PPP2R5C: variants seen among roughly 807,000 people sequenced by gnomAD.
The protein encoded by PPP2R5C is protein phosphatase 2 regulatory subunit B'gamma, also known as serine/threonine-protein phosphatase 2A 56 kDa regulatory subunit gamma isoform.
Under a neutral mutation model 68.9 loss-of-function variants are expected in PPP2R5C, and 7 were observed. The observed-to-expected ratio is 0.10, with a 90% CI of 0.06 to 0.19. The LOEUF (loss-of-function observed/expected upper bound fraction) is 0.19. Ranked by LOEUF, PPP2R5C falls within the 10% of genes least tolerant of loss-of-function variation. The pLI is 1.00. For synonymous variants in PPP2R5C, 210 were observed against 222.2 expected (o/e 0.95, Z 0.49); for missense variants, 348 against 641.3 (o/e 0.54, Z 4.94).
chr14:101,774,198 G>A (rs909348111), intron 2 of PPP2R5C, among the ~76,000 whole-genome samples: 1 of 152,232 alleles, frequency 6.6e-6, no homozygotes, highest in Admixed American at 6.5e-5. Flanking sequence ...GGCTGTGGGT[G>A]GGCTTGTCAT....
upstream of PPP2R5C, among the ~76,000 whole-genome samples, chr14:101,808,008 A>G (rs1175687157): frequency 1.3e-5 from 2 of 150,628 alleles, no homozygotes; most frequent in South Asian, 2.1e-4. Context: ...CCAGATCTTC[A>G]ATAAGCATCT....
intron 9 of PPP2R5C, among the ~76,000 whole-genome samples, chr14:101,904,995 G>T (rs1240858359): frequency 1.3e-5 from 2 of 152,206 alleles, no homozygotes; most frequent in Non-Finnish European, 2.9e-5. Context: ...TTGAATCTGG[G>T]TGGAGGGAGG....
In PPP2R5C at chr14:101,906,537, A is replaced by G. The variant is rs780938352; in HGVS notation, c.1151+8A>G. On this transcript the variant is annotated splice_region_variant and intron_variant, in intron 10 of 13. Transcript: ENST00000334743. This position sits in a 1 kb window ranked among gnomAD's most constrained non-coding sequence, Gnocchi z 4.0. ...AAAGACCCATTGGAACAAGTAAGAA[A>G]GAACTGGCTGCCATCTTTTTCAGTC... is the stretch of plus-strand genomic sequence containing the variant. 2.0e-5 allele frequency: 32 copies of G among 1,594,160 alleles called. No homozygotes were observed. In the South Asian group the frequency reaches 3.0e-4, roughly 15 times the overall value.
At chr14:101,869,241 G>A (rs1014087833) in intron 2 of PPP2R5C, among the ~76,000 whole-genome samples, 1 of 152,064 alleles carries the variant, frequency 6.6e-6, no homozygotes, top group Non-Finnish European at 1.5e-5. Context: ...TTGATGCATT[G>A]GACATTCGTC....
intron 1 of PPP2R5C, among the ~76,000 whole-genome samples, chr14:101,762,467 G>T (rs2036602139): frequency 6.6e-6 from 1 of 152,102 alleles, no homozygotes; most frequent in Non-Finnish European, 1.5e-5. Flanking sequence ...CTGGGTGGCG[G>T]CGGCGGTGAG....
rs138869081 is a variant in PPP2R5C at position 101,793,914 on chromosome 14, C to T, written c.259+7731C>T. On this transcript the variant is annotated intron_variant, in intron 3 of 14. Coordinates refer to the PPP2R5C transcript ENST00000328724. ...CCAGCCAGATTCTTCTCTGAAGTTA[C>T]GCCATCAAGTTGTCCCTCTGAAGTC... Among the ~76,000 whole-genome samples the T allele has an allele frequency of 8.4e-4, 127 of 151,506 alleles. 1 individual carries two copies. The Middle Eastern group carries it at 0.014, about 16-fold the overall frequency.
At position 101,898,390 on chromosome 14, in the gene PPP2R5C, C is replaced by G. The variant is rs112947304; in HGVS notation, c.853-3329C>G. Among the ~76,000 whole-genome samples, 102 of 152,306 alleles carry G rather than the reference C, an allele frequency of 6.7e-4. 1 individual carries two copies. The highest frequency in any genetic ancestry group is 2.2e-3 in the African/African-American group (90 of 41,578). ...CCATCCACTGTCTGTCAGCCTGACC[C>G]TAACCTTCTCCACCGAGGGCTCGGT... On this transcript the variant is annotated intron_variant, in intron 8 of 13. Coordinates refer to ENST00000334743, the Ensembl canonical transcript of PPP2R5C.
intron 6 of PPP2R5C, among the ~76,000 whole-genome samples, chr14:101,892,597 G>T (rs1237562418): frequency 6.6e-6 from 1 of 152,014 alleles, no homozygotes; most frequent in East Asian, 1.9e-4. Flanking sequence ...CTTTTTGCTG[G>T]TATCCTCTTT....
intron 10 of PPP2R5C, among the ~76,000 whole-genome samples, chr14:101,909,158 C>G (rs2046247527): frequency 6.6e-6 from 1 of 152,326 alleles, no homozygotes; most frequent in East Asian, 1.9e-4. Flanking sequence ...TTTATTTTCT[C>G]TTTCAAAGCT....
At chr14:101,801,780 T>A (rs2038871392) in intron 3 of PPP2R5C, among the ~76,000 whole-genome samples, 1 of 152,224 alleles carries the variant, frequency 6.6e-6, no homozygotes, top group Non-Finnish European at 1.5e-5. Flanking sequence ...AATCTACAAA[T>A]TCAGTGCAAT....
At chr14:101,800,651 C>CAAAAAA (rs201617260) in intron 3 of PPP2R5C, among the ~76,000 whole-genome samples, 1 of 124,450 alleles carries the variant, frequency 8.0e-6, no homozygotes, top group African/African-American at 2.8e-5. Context: ...TTAGCAATAC[C>CAAAAAA]AAAAAAAAAA....
At chr14:101,890,163 C>A in intron 5 of PPP2R5C, 74 bp from the exon 8 acceptor site, 1 of 1,348,728 alleles carries the variant, frequency 7.4e-7, no homozygotes, top group Non-Finnish European at 1.1e-6. Flanking sequence ...GGCTCCATGG[C>A]TCCTCCTAGA....
In PPP2R5C at chr14:101,762,988, T is replaced by C. The variant is rs189678654; in HGVS notation, c.93+18T>C. The C allele has an allele frequency of 7.1e-6, 11 of 1,553,126 alleles. No homozygotes were observed. The African/African-American group carries it at 8.2e-5, about 12-fold the overall frequency. On this transcript the variant is annotated intron_variant, in intron 2 of 14. Coordinates refer to the PPP2R5C transcript ENST00000328724. ...AATCAGAGGTAACTGTCATCAAATATTGACTTTGTATTTTATACACAGCTT... is the reference window on the plus strand; with the variant it reads ...AATCAGAGGTAACTGTCATCAAATACTGACTTTGTATTTTATACACAGCTT...
chr14:101,763,148 G>T (rs1372246806), intron 2 of PPP2R5C, among the ~76,000 whole-genome samples, 178 bp downstream of exon 2: 1 of 151,668 alleles, frequency 6.6e-6, no homozygotes, highest in African/African-American at 2.4e-5. Context: ...GTTTTGCTTT[G>T]GAAAACTATT....
At chr14:101,819,148 A>C (rs1471562917) in intron 1 of PPP2R5C, 3 of 1,429,908 alleles carry the variant, frequency 2.1e-6, no homozygotes, top group Admixed American at 4.0e-5. Context: ...GTACATGTAT[A>C]ATTAGGAATG....
chr14:101,786,289 G>A (rs2038084734), intron 3 of PPP2R5C, 106 bp downstream of exon 3: 3 of 1,134,594 alleles, frequency 2.6e-6, no homozygotes, highest in South Asian at 2.0e-5. Context: ...GTATTTTGTG[G>A]GGTCATCTTT....
chr14:101,768,808 C>A (rs1479359606), intron 2 of PPP2R5C, among the ~76,000 whole-genome samples: 1 of 151,668 alleles, frequency 6.6e-6, no homozygotes, highest in Non-Finnish European at 1.5e-5. Context: ...CTCTGCTGGC[C>A]ATCTGAATCC....
intron 2 of PPP2R5C, among the ~76,000 whole-genome samples, chr14:101,872,116 C>T (rs184018036): frequency 1.3e-5 from 2 of 150,882 alleles, no homozygotes; most frequent in East Asian, 3.9e-4. Flanking sequence ...TATCAATTAC[C>T]TTCTGCTTGA....
chr14:101,829,380 T>G (rs898516657), intron 1 of PPP2R5C, among the ~76,000 whole-genome samples: 1 of 152,202 alleles, frequency 6.6e-6, no homozygotes, highest in Non-Finnish European at 1.5e-5. Context: ...CTACCATTCA[T>G]TTCCTGATTT....
Sources: gnomAD v4.1 joint callset for allele counts (sites outside exome capture counted in the v4.1 genomes callset) on GRCh38, gnomAD v4.1.1 for gene constraint, Gnocchi (gnomAD v3.1) non-coding constraint, MANE v1.5 for transcripts, NCBI Gene and HGNC (gene_info 2026-07-23, HGNC 2026-07-21) for gene names.